Variants in DENND3 observed in about 807,000 individuals in gnomAD.
DENND3 encodes the protein DENN domain containing 3.
A neutral mutation model predicts 135.1 loss-of-function variants in DENND3; 88 were observed. That is an observed-to-expected ratio of 0.65 (90% CI 0.55 to 0.78). The LOEUF is 0.78. DENND3 is among the 30% of genes least tolerant of loss of function. The pLI, the probability that DENND3 is intolerant of heterozygous loss-of-function variation, is 0.00. For synonymous variants in DENND3, 693 were observed against 712.3 expected, an observed-to-expected ratio of 0.97 and a Z score of 0.43; for missense variants, 1,392 against 1,688.4, an observed-to-expected ratio of 0.82 and a Z score of 3.08.
intron 2 of DENND3, 42 bp downstream of exon 2, chr8:141,136,833 C>T (rs750330760): frequency 3.7e-5 from 56 of 1,495,128 alleles, no homozygotes; most frequent in Middle Eastern, 2.3e-4. Flanking sequence ...CTCCTGCTGC[C>T]GGCCACCCAG....
intron 1 of DENND3, among the ~76,000 whole-genome samples, chr8:141,135,491 C>T (rs1261020925): frequency 6.6e-6 from 1 of 152,174 alleles, no homozygotes; most frequent in Non-Finnish European, 1.5e-5. Context: ...CCCTTGACTA[C>T]CTGCCTTTGG....
chr8:141,141,980 G>T lies in DENND3; in HGVS notation c.623+656G>T, dbSNP rs1817516911. 2 of 220,388 alleles carry T rather than the reference G, an allele frequency of 9.1e-6. No individual in the cohort carries two copies. Among genetic ancestry groups the T allele is most frequent in the South Asian group, 1.0e-4 (2 of 19,506 alleles). 13.7% of individuals were successfully genotyped at this position (220,388 alleles called of 1,614,324 possible). On this transcript the variant is annotated intron_variant, in intron 4 of 22. Coordinates refer to ENST00000519811, the MANE Select transcript of DENND3 (RefSeq NM_001352890.3). This position sits in a 1 kb window ranked among gnomAD's most constrained non-coding sequence, Gnocchi z 5.3. ...GATGGCTTAAGCCTAGGAGTTCAAG[G>T]CTGCAGTGAGCTGTGATTGCACCAC...
chr8:141,166,087 G>A lies in DENND3; in HGVS notation c.1554-103G>A. The A allele has an allele frequency of 1.7e-6, 2 of 1,151,610 alleles. No individual in the cohort carries two copies. The highest frequency in any genetic ancestry group is 1.4e-5 in the South Asian group (1 of 72,696). 71.3% of individuals were successfully genotyped at this position (1,151,610 alleles called of 1,614,324 possible). A position where few individuals can be genotyped will look rare whatever the true frequency, so the allele number is the denominator to read the frequency against. On this transcript the variant is annotated intron_variant, in intron 11 of 22. Coordinates refer to ENST00000519811, the MANE Select transcript of DENND3 (RefSeq NM_001352890.3). This position sits in a 1 kb window ranked among gnomAD's most constrained non-coding sequence, Gnocchi z 4.3. ...GTCTGTTTTCCACTGGTGTCCAAGAGTGTCATGTGCTCTTCATCACACTGG... is the reference window on the plus strand; with the variant it reads ...GTCTGTTTTCCACTGGTGTCCAAGAATGTCATGTGCTCTTCATCACACTGG...
chr8:141,158,256 C>T (rs1043282986), intron 8 of DENND3: 13 of 1,289,130 alleles, frequency 1.0e-5, no homozygotes, highest in Middle Eastern at 2.1e-4. Flanking sequence ...GAAGGAGACA[C>T]GTGCTTTCCC....
chr8:141,133,884 AG>A (rs1276658892), intron 1 of DENND3, among the ~76,000 whole-genome samples: 1 of 152,176 alleles, frequency 6.6e-6, no homozygotes, highest in African/African-American at 2.4e-5. Context: ...GGGTGGCAGG[AG>A]GCAGTCAGGG....
At chr8:141,185,868 T>C (rs1823824950) in intron 18 of DENND3, among the ~76,000 whole-genome samples, 1 of 151,902 alleles carries the variant, frequency 6.6e-6, no homozygotes, top group African/African-American at 2.4e-5. Context: ...AAAATCGACG[T>C]CAGTTCTGTG....
chr8:141,142,146 A>G (rs907906956), intron 4 of DENND3: 1 of 339,006 alleles, frequency 2.9e-6, no homozygotes, highest in Non-Finnish European at 5.8e-6. Context: ...TATAGAACCC[A>G]GTGGGCTCTC....
In DENND3 at chr8:141,189,049, A is replaced by G; in HGVS notation, c.3148A>G (p.Ile1050Val). 1.2e-6 allele frequency: 2 copies of G among 1,614,218 alleles called. No homozygotes were observed. Among genetic ancestry groups the G allele is most frequent in the Non-Finnish European group, 1.7e-6 (2 of 1,180,024 alleles). ...TGGCTCGGAAGACTCCGTCATCTAC[A>G]TCATCAACGTCCACAGCATGTCCTG... ...WVGSEDSVIYIINVHSMSCNK... is the reference protein window; with the variant it reads ...WVGSEDSVIYVINVHSMSCNK... The change falls in exon 19 of 23, where the codon ATC becomes GTC. Residue 1050 changes from isoleucine (I) to valine (V), a missense_variant. Coordinates refer to ENST00000519811, the MANE Select transcript of DENND3 (RefSeq NM_001352890.3).
intron 5 of DENND3, among the ~76,000 whole-genome samples, chr8:141,145,838 TA>T (rs1818030806): frequency 1.3e-4 from 11 of 82,202 alleles, no homozygotes; most frequent in African/African-American, 1.0e-3. Flanking sequence ...TATATATATA[TA>T]TATATATATA....
chr8:141,171,632 C>T (rs1483226982), intron 13 of DENND3, among the ~76,000 whole-genome samples: 1 of 152,252 alleles, frequency 6.6e-6, no homozygotes, highest in Non-Finnish European at 1.5e-5. Context: ...GCGTGCATGA[C>T]AGCTGCTGTG....
chr8:141,185,087 G>C, intron 17 of DENND3, 52 bp from the exon 18 acceptor site: 1 of 1,574,418 alleles, frequency 6.4e-7, no homozygotes, highest in Admixed American at 1.7e-5. Context: ...GTCACCTGCT[G>C]CTACAGCAGA....
intron 3 of DENND3, among the ~76,000 whole-genome samples, chr8:141,140,956 G>A (rs1817377769): frequency 6.6e-6 from 1 of 152,184 alleles, no homozygotes; most frequent in Non-Finnish European, 1.5e-5. Flanking sequence ...TTATCTCAAG[G>A]CTGTCAGCTT....
intron 13 of DENND3, among the ~76,000 whole-genome samples, chr8:141,169,020 A>G (rs763297364): frequency 8.6e-5 from 13 of 150,432 alleles, no homozygotes; most frequent in Non-Finnish European, 1.8e-4. Context: ...CTCCACACCC[A>G]GCTAATTTTT....
In DENND3 at chr8:141,175,594, T is replaced by C. The variant is rs748510603; in HGVS notation, c.2535+135T>C. On this transcript the variant is annotated intron_variant, in intron 14 of 22. Transcript: ENST00000519811. The surrounding 1 kb of genome is among the most constrained non-coding windows in gnomAD (Gnocchi z 5.4). ...CTTCTGCAGACCGAATGCCTTCCTG[T>C]CCCTCAGTTTGCTCATCTGTAAAGT... 7.3e-7 allele frequency: 1 copy of C among 1,362,748 alleles called. No homozygotes were observed. 84.4% of individuals were successfully genotyped at this position (1,362,748 alleles called of 1,614,324 possible). A position where few individuals can be genotyped will look rare whatever the true frequency, so the allele number is the denominator to read the frequency against.
At position 141,182,025 on chromosome 8, in the gene DENND3, C is replaced by T. The variant is rs1049214148; in HGVS notation, c.2944+1171C>T. Among the ~76,000 whole-genome samples the T allele has an allele frequency of 1.3e-5, 2 of 152,150 alleles. No homozygotes were observed. The highest frequency in any genetic ancestry group is 2.9e-5 in the Non-Finnish European group (2 of 68,026). ...CCTAGGCTGATCTCGAACTCCTGGG[C>T]TCAAGCGATACCTCTCCACCTTGGC... On this transcript the variant is annotated intron_variant, in intron 17 of 22. Coordinates refer to ENST00000519811, the MANE Select transcript of DENND3 (RefSeq NM_001352890.3). The surrounding 1 kb of genome is among the most constrained non-coding windows in gnomAD (Gnocchi z 5.9).
At chr8:141,190,670 GCT>G in intron 20 of DENND3, 1 of 458,498 alleles carries the variant, frequency 2.2e-6, no homozygotes, top group Non-Finnish European at 3.8e-6. Context: ...ACGCACCACT[GCT>G]CTCCTGTCCC....
chr8:141,165,690 C>T (rs1820703154), intron 11 of DENND3, among the ~76,000 whole-genome samples: 1 of 152,160 alleles, frequency 6.6e-6, no homozygotes, highest in African/African-American at 2.4e-5. Flanking sequence ...TCTTGAACTC[C>T]TGACCTCAGG....
At position 141,137,821 on chromosome 8, in the gene DENND3, A is replaced by C. The variant is rs1390489295; in HGVS notation, c.386-201A>C. Among the ~76,000 whole-genome samples, 2 of 152,158 alleles carry C rather than the reference A, an allele frequency of 1.3e-5. No individual in the cohort carries two copies. Among genetic ancestry groups the C allele is most frequent in the Non-Finnish European group, 2.9e-5 (2 of 68,022 alleles). ...GCTGGCAGGTGCTTGAGAGCTTGTA[A>C]AGAAATTGCTGTGTGGGGAGGGACT... is the stretch of plus-strand genomic sequence containing the variant. On this transcript the variant is annotated intron_variant, in intron 2 of 22. Transcript: ENST00000519811. This position sits in a 1 kb window ranked among gnomAD's most constrained non-coding sequence, Gnocchi z 4.1.
chr8:141,150,276 C>G (rs1252290085), intron 5 of DENND3: 1 of 1,272,496 alleles, frequency 7.9e-7, no homozygotes, highest in East Asian at 5.9e-5. Context: ...CTCTGGATTT[C>G]CTCCGCCAGG....
Sources: gnomAD v4.1 joint callset for allele counts (sites outside exome capture counted in the v4.1 genomes callset) on GRCh38, gnomAD v4.1.1 for gene constraint, Gnocchi (gnomAD v3.1) non-coding constraint, MANE v1.5 for transcripts, NCBI Gene and HGNC (gene_info 2026-07-23, HGNC 2026-07-21) for gene names.